The following OPHN1 variants were observed in gnomAD, a reference collection of about 807,000 sequenced individuals.
The protein encoded by OPHN1 is oligophrenin-1.
In OPHN1, 11 loss-of-function variants were observed where a neutral mutation model predicts 60.7. The ratio of observed to expected loss-of-function variants is 0.18; its 90% CI spans 0.11 to 0.30. The LOEUF (loss-of-function observed/expected upper bound fraction) is 0.30. Ranked by LOEUF, OPHN1 falls within the 10% of genes least tolerant of loss-of-function variation. The probability of loss-of-function intolerance (pLI) is 1.00; values close to 1 mark genes in which losing one functional copy is unlikely to be tolerated. For synonymous variants in OPHN1, 226 were observed against 222.6 expected, an observed-to-expected ratio of 1.02 and a Z score of -0.14; for missense variants, 449 against 611.0, an observed-to-expected ratio of 0.73 and a Z score of 2.80.
intron 20 of OPHN1, among the ~76,000 whole-genome samples, chrX:68,066,324 G>C (rs946018129): frequency 2.1e-4 from 24 of 111,773 alleles, no homozygotes; most frequent in African/African-American, 7.8e-4. Context: ...GGGAAATAAA[G>C]GTTGCCTGTG....
intron 6 of OPHN1, among the ~76,000 whole-genome samples, chrX:68,225,699 T>C (rs1180912508): frequency 8.9e-6 from 1 of 111,889 alleles, no homozygotes; most frequent in African/African-American, 3.2e-5. Flanking sequence ...AGAAAGGACA[T>C]CCACACCAAA....
At chrX:68,163,549 GA>G (rs2077345218) in intron 15 of OPHN1, among the ~76,000 whole-genome samples, 1 of 110,241 alleles carries the variant, frequency 9.1e-6, no homozygotes, top group South Asian at 3.8e-4. Flanking sequence ...AACAAAAACG[GA>G]ATGCAGACAT....
At chrX:68,058,306 C>T (rs756359730) in intron 21 of OPHN1, among the ~76,000 whole-genome samples, 89 of 110,371 alleles carry the variant, frequency 8.1e-4, no homozygotes, top group African/African-American at 2.9e-3. Flanking sequence ...ACAAATGACC[C>T]CTGCCCTCTA....
Position 68,229,869 on chromosome X carries a change from T to C in OPHN1, c.486+4618A>G, listed in dbSNP as rs1486966643. Among the ~76,000 whole-genome samples, 6 of 111,758 alleles carry C rather than the reference T, an allele frequency of 5.4e-5. No individual in the cohort carries two copies. In the East Asian group the frequency reaches 1.1e-3, roughly 21 times the overall value. On this transcript the variant is annotated intron_variant, in intron 6 of 24. Coordinates refer to ENST00000355520, the MANE Select transcript of OPHN1 (RefSeq NM_002547.3). The stretch of plus-strand genomic sequence containing the variant: ...TAGGCATGGGCAAGGACTTCATGTC[T>C]AAAACACCAAAAGCAATGGCAACAA...
At chrX:68,289,456 C>A (rs1239177953) in intron 3 of OPHN1, among the ~76,000 whole-genome samples, 1 of 112,408 alleles carries the variant, frequency 8.9e-6, no homozygotes, top group African/African-American at 3.2e-5. Context: ...TATGCACTGT[C>A]TTCCAAACAA....
intron 2 of OPHN1, among the ~76,000 whole-genome samples, chrX:68,383,619 A>C (rs2078609094): frequency 9.4e-6 from 1 of 106,312 alleles, no homozygotes; most frequent in East Asian, 2.9e-4. Context: ...AAAAAAAAAA[A>C]AAAAACAGGC....
At chrX:68,084,832 G>A (rs2147386978) in intron 19 of OPHN1, among the ~76,000 whole-genome samples, 1 of 112,188 alleles carries the variant, frequency 8.9e-6, no homozygotes, top group Non-Finnish European at 1.9e-5. Context: ...GCAGAGCTCA[G>A]AGAAGGTGCT....
intron 2 of OPHN1, among the ~76,000 whole-genome samples, chrX:68,393,877 T>C (rs1333309114): frequency 6.9e-5 from 6 of 86,741 alleles, no homozygotes; most frequent in Admixed American, 5.6e-4. Context: ...GGTGATCCAA[T>C]AGACTTTGTT....
chrX:68,133,345 C>T (rs1019012703), intron 15 of OPHN1: 2 of 676,052 alleles, frequency 3.0e-6, no homozygotes, highest in Non-Finnish European at 2.4e-6. Flanking sequence ...TCCTCAATAC[C>T]AAACTAGCAG....
chrX:68,103,374 A>G (rs1208366408), intron 18 of OPHN1, among the ~76,000 whole-genome samples: 2 of 112,369 alleles, frequency 1.8e-5, no homozygotes, highest in Admixed American at 1.9e-4. Context: ...GATGGAACAT[A>G]TCTCAAAATA....
At chrX:68,422,610 AAG>A (rs1278081560) in intron 2 of OPHN1, among the ~76,000 whole-genome samples, 3 of 30,768 alleles carry the variant, frequency 9.8e-5, no homozygotes, top group African/African-American at 1.7e-4. Context: ...AGAAAAGAAA[AAG>A]AGAGAGAGAA....
intron 15 of OPHN1, among the ~76,000 whole-genome samples, chrX:68,166,991 A>G (rs780442434): frequency 8.9e-6 from 1 of 112,399 alleles, no homozygotes; most frequent in South Asian, 3.7e-4. Context: ...CTTGAGTAAC[A>G]TTCCACAAGC....
chrX:68,428,630 G>A (rs2078871049), intron 2 of OPHN1, among the ~76,000 whole-genome samples: 1 of 112,322 alleles, frequency 8.9e-6, no homozygotes, highest in African/African-American at 3.2e-5. Flanking sequence ...TGAATGAATA[G>A]TATGCATTCG....
At chrX:68,331,028 T>C (rs1246737910) in intron 2 of OPHN1, among the ~76,000 whole-genome samples, 1 of 105,278 alleles carries the variant, frequency 9.5e-6, no homozygotes, top group East Asian at 2.8e-4. Flanking sequence ...ATATATCTAA[T>C]ATATATCTCA....
intron 5 of OPHN1, among the ~76,000 whole-genome samples, chrX:68,255,219 CAT>C (rs1465298282): frequency 1.8e-5 from 2 of 109,494 alleles, no homozygotes; most frequent in African/African-American, 3.3e-5. Flanking sequence ...CTTACCCATA[CAT>C]ATATATGATA....
intron 10 of OPHN1, 119 bp from the exon 11 acceptor site, chrX:68,201,829 G>A: frequency 1.8e-6 from 1 of 559,310 alleles, no homozygotes; most frequent in Non-Finnish European, 3.1e-6. Context: ...CAGGAGCAAT[G>A]TGTAGACTCA....
At chrX:68,355,689 C>T (rs190597505) in intron 2 of OPHN1, among the ~76,000 whole-genome samples, 1 of 111,774 alleles carries the variant, frequency 8.9e-6, no homozygotes, top group East Asian at 2.8e-4. Flanking sequence ...ATTGCATATG[C>T]TTCCAAGAAA....
chrX:68,178,981 C>G (rs1053051118), intron 15 of OPHN1, among the ~76,000 whole-genome samples: 2 of 111,779 alleles, frequency 1.8e-5, no homozygotes, highest in African/African-American at 6.5e-5. Context: ...CTGGATATCC[C>G]AATTCAAAAA....
chrX:68,216,504 C>A (rs1451909672), intron 6 of OPHN1, among the ~76,000 whole-genome samples: 4 of 110,665 alleles, frequency 3.6e-5, no homozygotes, highest in Non-Finnish European at 7.6e-5. Flanking sequence ...AAATAAGATA[C>A]ACAAAAATGT....
Sources: allele counts gnomAD v4.1 joint callset (sites outside exome capture counted in the v4.1 genomes callset), GRCh38; gene constraint gnomAD v4.1.1; transcripts MANE v1.5; gene names NCBI Gene and HGNC (gene_info 2026-07-23, HGNC 2026-07-21).